BMAL1: variants seen among roughly 807,000 people sequenced by gnomAD.
BMAL1 encodes the protein basic helix-loop-helix ARNT like 1.
At chr11:13,303,930 G>A in the BMAL1 span, among the ~76,000 whole-genome samples, 1 of 152,190 alleles carries the variant, frequency 6.6e-6, no homozygotes, top group African/African-American at 2.4e-5. Context: ...AGTGAGCTAT[G>A]TGTTTAGCTG....
chr11:13,386,526 G>A, the BMAL1 span: 5 of 1,404,374 alleles, frequency 3.6e-6, no homozygotes, highest in East Asian at 5.0e-5. Context: ...AATGTGCTTA[G>A]GAATTGCTTA....
chr11:13,318,096 C>T, the BMAL1 span, among the ~76,000 whole-genome samples: 1 of 152,244 alleles, frequency 6.6e-6, no homozygotes, highest in Non-Finnish European at 1.5e-5. Flanking sequence ...GCTTGTTTCT[C>T]CAGCCTGCCT....
At chr11:13,281,500 G>A in the BMAL1 span, among the ~76,000 whole-genome samples, 1 of 152,148 alleles carries the variant, frequency 6.6e-6, no homozygotes, top group African/African-American at 2.4e-5. Flanking sequence ...CTGAGTGGTT[G>A]TTCTTGGCCC....
chr11:13,347,711 G>A, the BMAL1 span, among the ~76,000 whole-genome samples: 2 of 151,944 alleles, frequency 1.3e-5, no homozygotes, highest in Non-Finnish European at 2.9e-5. Context: ...GCCAGACATG[G>A]TAGTGGTGCA....
chr11:13,304,021 G>A, the BMAL1 span, among the ~76,000 whole-genome samples: 1 of 152,156 alleles, frequency 6.6e-6, no homozygotes, highest in Non-Finnish European at 1.5e-5. Flanking sequence ...GAGAGTGGGA[G>A]AAGATGAGGG....
At chr11:13,314,489 T>A in the BMAL1 span, among the ~76,000 whole-genome samples, 3 of 152,354 alleles carry the variant, frequency 2.0e-5, no homozygotes, top group East Asian at 5.8e-4. Flanking sequence ...GGCTTGAGTT[T>A]GTGACGCCTG....
the BMAL1 span, chr11:13,369,483 T>G: frequency 9.7e-7 from 1 of 1,030,268 alleles, no homozygotes; most frequent in Non-Finnish European, 1.4e-6. Context: ...AAGCCTAAAC[T>G]TGGGAGATAT....
At chr11:13,350,393 T>C in the BMAL1 span, among the ~76,000 whole-genome samples, 1 of 152,180 alleles carries the variant, frequency 6.6e-6, no homozygotes, top group African/African-American at 2.4e-5. Flanking sequence ...GTCTTTAATA[T>C]GATTAAATAA....
chr11:13,290,391 A>G, the BMAL1 span, among the ~76,000 whole-genome samples: 2 of 152,158 alleles, frequency 1.3e-5, no homozygotes, highest in Admixed American at 6.5e-5. Context: ...CCAGTCTGGC[A>G]TTCTTGGATG....
At chr11:13,382,023 A>T in the BMAL1 span, among the ~76,000 whole-genome samples, 1 of 152,158 alleles carries the variant, frequency 6.6e-6, no homozygotes, top group East Asian at 1.9e-4. Flanking sequence ...CAGGACTCCT[A>T]GGGCACAAAC....
the BMAL1 span, among the ~76,000 whole-genome samples, chr11:13,314,477 T>C: frequency 1.3e-5 from 2 of 152,222 alleles, no homozygotes; most frequent in African/African-American, 4.8e-5. Flanking sequence ...CAGGTTGTGT[T>C]GGGCTTGAGT....
At chr11:13,379,206 C>A in the BMAL1 span, 2 of 152,220 alleles carry the variant, frequency 1.3e-5, no homozygotes, top group African/African-American at 2.4e-5. Context: ...TTAATTAAAT[C>A]TGTCTTTAAG....
the BMAL1 span, chr11:13,378,354 C>T: frequency 1.2e-6 from 2 of 1,611,774 alleles, no homozygotes; most frequent in East Asian, 2.2e-5. Flanking sequence ...AAAGAGGACC[C>T]ACCCCACTGT....
chr11:13,356,381 G>C, the BMAL1 span: 34 of 511,164 alleles, frequency 6.7e-5, no homozygotes, highest in Admixed American at 4.5e-4. Flanking sequence ...ATGATGGGGG[G>C]GGAGAATGAG....
chr11:13,335,037 G>A, the BMAL1 span, among the ~76,000 whole-genome samples: 2 of 152,304 alleles, frequency 1.3e-5, no homozygotes, highest in South Asian at 2.1e-4. Context: ...CTCGGGCATC[G>A]ACTCAGAGAC....
chr11:13,287,004 G>A, the BMAL1 span, among the ~76,000 whole-genome samples: 3 of 152,178 alleles, frequency 2.0e-5, no homozygotes, highest in African/African-American at 7.2e-5. Flanking sequence ...AGGTTTTAGA[G>A]GATAGAAGAG....
At chr11:13,303,922 T>G in the BMAL1 span, among the ~76,000 whole-genome samples, 1 of 152,006 alleles carries the variant, frequency 6.6e-6, no homozygotes, top group Non-Finnish European at 1.5e-5. Flanking sequence ...GGTGAAGAAG[T>G]GAGCTATGTG....
the BMAL1 span, chr11:13,354,544 A>AG: frequency 2.7e-6 from 4 of 1,479,090 alleles, no homozygotes; most frequent in Admixed American, 2.4e-5. Context: ...ATCCTGGAAA[A>AG]GGGGATGGGA....
the BMAL1 span, chr11:13,369,688 C>T: frequency 6.2e-7 from 1 of 1,614,204 alleles, no homozygotes; most frequent in Non-Finnish European, 8.5e-7. Context: ...GACGTTCTTT[C>T]TTCTGTAGGA....
Sources: gnomAD v4.1 joint callset for allele counts (sites outside exome capture counted in the v4.1 genomes callset) on GRCh38, gnomAD v4.1.1 for gene constraint, MANE v1.5 for transcripts, NCBI Gene and HGNC (gene_info 2026-07-23, HGNC 2026-07-21) for gene names.